BANK1: variants seen among roughly 807,000 people sequenced by gnomAD.
BANK1 encodes B-cell scaffold protein with ankyrin repeats.
BANK1 carries 95 observed loss-of-function variants against 94.5 expected under a neutral mutation model. That is an observed-to-expected ratio of 1.00 (90% CI 0.85 to 1.19). The LOEUF (loss-of-function observed/expected upper bound fraction) is 1.19. Ranked by LOEUF, BANK1 falls within the 50% of genes most tolerant of loss-of-function variation. The pLI, the probability that BANK1 is intolerant of heterozygous loss-of-function variation, is 0.00. For missense variants in BANK1, 987 were observed against 932.2 expected, an observed-to-expected ratio of 1.06 and a Z score of -0.77; for synonymous variants, 334 against 308.4, an observed-to-expected ratio of 1.08 and a Z score of -0.87.
intron 6 of BANK1, among the ~76,000 whole-genome samples, chr4:101,909,380 C>T (rs553211876): frequency 1.7e-4 from 26 of 151,964 alleles, no homozygotes; most frequent in South Asian, 8.3e-4. Flanking sequence ...CATCACACAC[C>T]GGGGCCTGTC....
At chr4:101,890,561 T>G (rs1469483439) in intron 5 of BANK1, among the ~76,000 whole-genome samples, 5 of 148,816 alleles carry the variant, frequency 3.4e-5, no homozygotes, top group Non-Finnish European at 7.4e-5. Flanking sequence ...TTATAAATAT[T>G]ATTAAAGTAT....
At chr4:101,829,763 G>T in intron 1 of BANK1, 45 bp from the exon 2 acceptor site, 1 of 1,290,740 alleles carries the variant, frequency 7.7e-7, no homozygotes, top group Non-Finnish European at 1.1e-6. Context: ...AATTTAACCT[G>T]CTGATAGCAT....
intron 7 of BANK1, among the ~76,000 whole-genome samples, chr4:101,997,213 T>C (rs888880203): frequency 6.6e-6 from 1 of 152,170 alleles, no homozygotes. Flanking sequence ...ATTGGTTCTG[T>C]TTATGTGATG....
chr4:101,904,944 G>T (rs1412856887), intron 6 of BANK1, among the ~76,000 whole-genome samples: 1 of 152,186 alleles, frequency 6.6e-6, no homozygotes, highest in East Asian at 1.9e-4. Context: ...TCCCTGAATA[G>T]TTATTTCACA....
chr4:102,029,712 G>A (rs963548829), intron 9 of BANK1, among the ~76,000 whole-genome samples: 5 of 151,432 alleles, frequency 3.3e-5, no homozygotes, highest in East Asian at 1.9e-4. Flanking sequence ...TTTACTACAC[G>A]TATTTGTCTT....
chr4:102,060,100 C>A, intron 11 of BANK1, 111 bp from the exon 12 acceptor site: 1 of 969,472 alleles, frequency 1.0e-6, no homozygotes, highest in Non-Finnish European at 1.5e-6. Context: ...TCTTTAACTG[C>A]TCATAGAGAG....
intron 7 of BANK1, among the ~76,000 whole-genome samples, chr4:101,930,927 G>T (rs1034591302): frequency 2.5e-4 from 38 of 151,588 alleles, no homozygotes; most frequent in African/African-American, 9.2e-4. Flanking sequence ...ACATCACAAA[G>T]GATTCAATTC....
At chr4:101,852,964 C>A (rs1044652658) in intron 2 of BANK1, among the ~76,000 whole-genome samples, 1 of 152,006 alleles carries the variant, frequency 6.6e-6, no homozygotes, top group African/African-American at 2.4e-5. Context: ...AAATCCATTT[C>A]TTAGTTTTTC....
chr4:102,051,338 C>A (rs528373269), intron 11 of BANK1, among the ~76,000 whole-genome samples: 4 of 152,260 alleles, frequency 2.6e-5, no homozygotes, highest in East Asian at 3.9e-4. Context: ...TGTCATATTG[C>A]TCACAAAAGT....
chr4:102,054,742 A>G (rs1164486226), intron 11 of BANK1, among the ~76,000 whole-genome samples: 2 of 151,700 alleles, frequency 1.3e-5, no homozygotes, highest in Non-Finnish European at 2.9e-5. Flanking sequence ...AGACAAGAAT[A>G]GTAAACTGTG....
At chr4:101,840,037 C>G (rs1208661057) in intron 2 of BANK1, among the ~76,000 whole-genome samples, 1 of 124,650 alleles carries the variant, frequency 8.0e-6, no homozygotes, top group African/African-American at 3.0e-5. Context: ...GGCGGGATCT[C>G]GGCTCACTGC....
chr4:102,051,014 T>TG (rs1256256161), intron 11 of BANK1, among the ~76,000 whole-genome samples: 3 of 152,196 alleles, frequency 2.0e-5, no homozygotes, highest in African/African-American at 7.2e-5. Context: ...GGCAGGAGTG[T>TG]GCCTACTCAT....
At chr4:101,963,991 T>G (rs1424524601) in intron 7 of BANK1, among the ~76,000 whole-genome samples, 1 of 152,088 alleles carries the variant, frequency 6.6e-6, no homozygotes, top group Non-Finnish European at 1.5e-5. Context: ...AGCATTTTTT[T>G]GTGTGTGTGC....
intron 7 of BANK1, among the ~76,000 whole-genome samples, chr4:101,920,585 G>C (rs1722970511): frequency 1.3e-5 from 2 of 151,892 alleles, no homozygotes; most frequent in South Asian, 4.1e-4. Context: ...TATTGTTTCA[G>C]AATAGTTTAA....
chr4:101,990,362 A>C (rs574118049), intron 7 of BANK1, among the ~76,000 whole-genome samples: 1 of 152,328 alleles, frequency 6.6e-6, no homozygotes, highest in African/African-American at 2.4e-5. Flanking sequence ...ATGCTTCAAA[A>C]TATATTGCAT....
intron 9 of BANK1, 43 bp downstream of exon 9, chr4:102,025,552 A>C: frequency 6.4e-7 from 1 of 1,563,970 alleles, no homozygotes; most frequent in Non-Finnish European, 8.7e-7. Context: ...ACAAAGACAA[A>C]TCTTTGACAG....
intron 12 of BANK1, 25 bp from the exon 13 acceptor site, chr4:102,063,050 A>C: frequency 6.2e-7 from 1 of 1,600,812 alleles, no homozygotes; most frequent in Non-Finnish European, 8.6e-7. Flanking sequence ...AATCATAACT[A>C]TGTCCTGGTT....
chr4:101,847,992 C>T (rs574160509), intron 2 of BANK1, among the ~76,000 whole-genome samples: 2 of 152,124 alleles, frequency 1.3e-5, no homozygotes, highest in African/African-American at 2.4e-5. Context: ...TTGGCGCCAG[C>T]GAGGAATGGC....
At chr4:101,914,305 C>G (rs1722757939) in intron 6 of BANK1, among the ~76,000 whole-genome samples, 1 of 152,064 alleles carries the variant, frequency 6.6e-6, no homozygotes, top group Non-Finnish European at 1.5e-5. Flanking sequence ...ACAGTTGCCT[C>G]CCCCAGCTCC....
Sources: gnomAD v4.1 joint callset for allele counts (sites outside exome capture counted in the v4.1 genomes callset) on GRCh38, gnomAD v4.1.1 for gene constraint, MANE v1.5 for transcripts, NCBI Gene and HGNC (gene_info 2026-07-23, HGNC 2026-07-21) for gene names.